The following GOLGA8N variants were observed in gnomAD, a reference collection of about 807,000 sequenced individuals.
The protein encoded by GOLGA8N is golgin subfamily A member 8N.
A neutral mutation model predicts 22.0 loss-of-function variants in GOLGA8N; 2 were observed. The ratio of observed to expected loss-of-function variants is 0.09; its 90% CI spans 0.04 to 0.29. GOLGA8N has a LOEUF of 0.29. GOLGA8N is among the 10% of genes least tolerant of loss of function. The pLI is 1.00. For synonymous variants in GOLGA8N, 2 were observed against 58.7 expected (o/e 0.03, Z 4.41); for missense variants, 10 against 164.7 (o/e 0.06, Z 5.14).
Position 32,598,729 on chromosome 15 carries a change from C to A in GOLGA8N, c.592-498C>A, listed in dbSNP as rs1211879303. ...AAGTGAACAAAAGATTAATTTTCCC[C>A]TTCCTATCTGTGCCCCCATCCCCAG... On this transcript the variant is annotated intron_variant, in intron 8 of 18. Coordinates refer to ENST00000448387, the Ensembl canonical transcript of GOLGA8N. Among the ~76,000 whole-genome samples the A allele has an allele frequency of 3.9e-5, 2 of 51,612 alleles. 1 individual carries two copies. The highest frequency in any genetic ancestry group is 4.6e-4 in the Admixed American group (2 of 4,356). 33.9% of individuals were successfully genotyped at this position (51,612 alleles called of 152,430 possible).
chr15:32,602,947 GT>G (rs1467601668), intron 15 of GOLGA8N, among the ~76,000 whole-genome samples: 6 of 31,104 alleles, frequency 1.9e-4, no homozygotes, highest in Non-Finnish European at 2.8e-4. Flanking sequence ...AGCAGAGGGT[GT>G]GCTGCCAGCG....
intron 2 of GOLGA8N, among the ~76,000 whole-genome samples, chr15:32,595,886 AT>A (rs1269160951): frequency 1.3e-5 from 2 of 151,138 alleles, no homozygotes; most frequent in Non-Finnish European, 2.9e-5. Context: ...CTCTTTTCAC[AT>A]CTGTATAATA....
chr15:32,606,597 T>C (rs1480051593), exon 19 of GOLGA8N: 1 of 151,068 alleles, frequency 6.6e-6, no homozygotes, highest in African/African-American at 2.4e-5. Context: ...AACATTGGAA[T>C]GTTAGAGTTC....
chr15:32,597,594 C>G (rs1377566715), intron 5 of GOLGA8N, 105 bp downstream of exon 5: 3 of 1,603,776 alleles, frequency 1.9e-6, no homozygotes, highest in Admixed American at 1.7e-5. Flanking sequence ...GGGAAGAAGG[C>G]TGACCCCTCA....
At chr15:32,597,593 G>C (rs1025420444) in intron 5 of GOLGA8N, 104 bp downstream of exon 5, 3 of 1,604,022 alleles carry the variant, frequency 1.9e-6, no homozygotes, top group South Asian at 2.2e-5. Context: ...GGGGAAGAAG[G>C]CTGACCCCTC....
At chr15:32,597,600 C>G in intron 5 of GOLGA8N, 111 bp downstream of exon 5, 1 of 1,601,770 alleles carries the variant, frequency 6.2e-7, no homozygotes, top group Non-Finnish European at 8.5e-7. Context: ...AAGGCTGACC[C>G]CTCAGATTCC....
exon 19 of GOLGA8N, chr15:32,606,351 GCATATTTAAGCTGAAGGTCA>G (rs1206720409): frequency 8.5e-6 from 1 of 118,162 alleles, no homozygotes; most frequent in East Asian, 2.3e-4. Flanking sequence ...TCACACACTG[GCATATTTAAGCTGAAGGTCA>G]GTCTGGAAAA....
At chr15:32,605,301 GTAT>G (rs1298435685) in exon 19 of GOLGA8N, 1 of 148,540 alleles carries the variant, frequency 6.7e-6, no homozygotes, top group Non-Finnish European at 1.5e-5. Context: ...TTAGTAGATG[GTAT>G]TATACTATCT....
chr15:32,595,744 A>C, intron 2 of GOLGA8N, among the ~76,000 whole-genome samples: 1 of 73,892 alleles, frequency 1.4e-5, no homozygotes. Flanking sequence ...ATGCCACCGC[A>C]CTCCAGCCTG....
In GOLGA8N at chr15:32,598,425, C is replaced by T. The variant is rs1311329145; in HGVS notation, c.591+248C>T. ...AGGCCAAGTGCCTGCCCCGCCCTTA[C>T]CTGGCTGTGGTCTTGGGCAAGTCCT... On this transcript the variant is annotated intron_variant, in intron 8 of 18. Transcript: ENST00000448387. Among the ~76,000 whole-genome samples, 5 of 56,328 alleles carry T rather than the reference C, an allele frequency of 8.9e-5. 2 individuals are homozygous for T. Among genetic ancestry groups the T allele is most frequent in the African/African-American group, 1.3e-4 (2 of 15,112 alleles). The allele number at this position is 56,328 out of a possible 152,430, so 37.0% of individuals were successfully genotyped here.
At chr15:32,597,601 C>G in intron 5 of GOLGA8N, 112 bp downstream of exon 5, 1 of 1,601,768 alleles carries the variant, frequency 6.2e-7, no homozygotes, top group Non-Finnish European at 8.5e-7. Flanking sequence ...AGGCTGACCC[C>G]TCAGATTCCA....
At chr15:32,604,984 AG>A (rs2052915875) in exon 19 of GOLGA8N, 1 of 60,366 alleles carries the variant, frequency 1.7e-5, no homozygotes, top group African/African-American at 7.3e-5. Flanking sequence ...TATTTAGTGA[AG>A]ATCATAAGAA....
chr15:32,606,149 G>GT (rs1202490094), exon 19 of GOLGA8N: 1 of 46,180 alleles, frequency 2.2e-5, no homozygotes, highest in South Asian at 6.2e-4. Context: ...TTGGTCTAAC[G>GT]TTTTTTCTTT....
exon 19 of GOLGA8N, chr15:32,605,152 C>G (rs1472716619): frequency 3.0e-5 from 2 of 66,102 alleles, no homozygotes; most frequent in African/African-American, 5.8e-5. Context: ...ACCTCTTTGG[C>G]TAATACCTAT....
Sources: gnomAD v4.1 joint callset for allele counts (sites outside exome capture counted in the v4.1 genomes callset) on GRCh38, gnomAD v4.1.1 for gene constraint, MANE v1.5 for transcripts, NCBI Gene and HGNC (gene_info 2026-07-23, HGNC 2026-07-21) for gene names.